NYAP2: variants seen among roughly 807,000 people sequenced by gnomAD.
The protein encoded by NYAP2 is neuronal tyrosine-phosphorylated phosphoinositide-3-kinase adaptor 2.
Under a neutral mutation model 50.4 loss-of-function variants are expected in NYAP2, and 23 were observed. That is an observed-to-expected ratio of 0.46 (90% CI 0.33 to 0.65). The LOEUF (loss-of-function observed/expected upper bound fraction) is 0.65, where lower values mean the gene tolerates loss of function less well. Ranked by LOEUF, NYAP2 falls within the 30% of genes least tolerant of loss-of-function variation. The pLI, the probability that NYAP2 is intolerant of heterozygous loss-of-function variation, is 0.02. For missense variants in NYAP2, 885 were observed against 861.0 expected, an observed-to-expected ratio of 1.03 and a Z score of -0.35; for synonymous variants, 394 against 365.2, an observed-to-expected ratio of 1.08 and a Z score of -0.90.
chr2:225,571,973 C>A (rs1424930265), intron 4 of NYAP2, among the ~76,000 whole-genome samples: 3 of 152,338 alleles, frequency 2.0e-5, no homozygotes, highest in East Asian at 1.9e-4. Context: ...CAAAGTTCCA[C>A]AGATCTCCAG....
chr2:225,608,851 G>A (rs1442716124), intron 5 of NYAP2, among the ~76,000 whole-genome samples: 1 of 152,258 alleles, frequency 6.6e-6, no homozygotes, highest in South Asian at 2.1e-4. Context: ...TGGTAGCATA[G>A]ATGTGGCCCC....
At chr2:225,623,474 C>G (rs552832074) in intron 5 of NYAP2, among the ~76,000 whole-genome samples, 8 of 152,170 alleles carry the variant, frequency 5.3e-5, no homozygotes, top group African/African-American at 1.9e-4. Context: ...GGCCTGTAAT[C>G]AATCAGGATA....
chr2:225,494,670 G>T (rs868616126), intron 3 of NYAP2, among the ~76,000 whole-genome samples: 18 of 152,154 alleles, frequency 1.2e-4, no homozygotes, highest in Middle Eastern at 3.2e-3. Flanking sequence ...TCAAGGTAAG[G>T]TTTGGTATTT....
chr2:225,605,949 C>T (rs1383135417), intron 5 of NYAP2, among the ~76,000 whole-genome samples: 5 of 152,002 alleles, frequency 3.3e-5, no homozygotes, highest in Admixed American at 2.0e-4. Context: ...AAAAACTTTC[C>T]GTAATATAAA....
intron 3 of NYAP2, among the ~76,000 whole-genome samples, chr2:225,414,237 C>CAA (rs1695089350): frequency 6.6e-6 from 1 of 151,954 alleles, no homozygotes. Flanking sequence ...GAAAAAATAT[C>CAA]AAATAAATAA....
the NYAP2 span, among the ~76,000 whole-genome samples, chr2:225,662,516 C>G: frequency 2.6e-5 from 4 of 152,236 alleles, no homozygotes; most frequent in East Asian, 1.9e-4. Context: ...CAGAATCCTA[C>G]GAACAGACAC....
At chr2:225,409,916 C>G (rs1695006596) in intron 3 of NYAP2, among the ~76,000 whole-genome samples, 1 of 152,002 alleles carries the variant, frequency 6.6e-6, no homozygotes, top group South Asian at 2.1e-4. Flanking sequence ...AATATAGGGA[C>G]TTAATCCATA....
intron 4 of NYAP2, among the ~76,000 whole-genome samples, chr2:225,560,732 C>T (rs1216623314): frequency 1.3e-5 from 2 of 152,060 alleles, no homozygotes; most frequent in Non-Finnish European, 2.9e-5. Context: ...ACATGTGTAA[C>T]TTGGCTCAGC....
At chr2:225,438,616 G>C (rs1477557842) in intron 3 of NYAP2, among the ~76,000 whole-genome samples, 1 of 152,188 alleles carries the variant, frequency 6.6e-6, no homozygotes, top group Non-Finnish European at 1.5e-5. Flanking sequence ...ATTAAAGATA[G>C]TATATATCTT....
intron 4 of NYAP2, among the ~76,000 whole-genome samples, chr2:225,557,876 T>C (rs756000330): frequency 2.6e-5 from 4 of 152,202 alleles, no homozygotes; most frequent in Non-Finnish European, 4.4e-5. Context: ...AATCACATTG[T>C]TTGGAGGGCC....
chr2:225,495,165 G>A (rs2106173666), intron 3 of NYAP2, among the ~76,000 whole-genome samples: 1 of 152,240 alleles, frequency 6.6e-6, no homozygotes, highest in Admixed American at 6.5e-5. Context: ...GACCTATACA[G>A]CTTAAACCTG....
intron 3 of NYAP2, among the ~76,000 whole-genome samples, chr2:225,489,175 T>TTTCC (rs1375652930): frequency 2.0e-5 from 3 of 151,688 alleles, no homozygotes; most frequent in African/African-American, 7.3e-5. Context: ...TTTTTCCCCT[T>TTTCC]TTTCTTTCTT....
At chr2:225,643,973 T>G (rs1201375197) in intron 6 of NYAP2, among the ~76,000 whole-genome samples, 2 of 148,612 alleles carry the variant, frequency 1.3e-5, no homozygotes, top group Non-Finnish European at 3.0e-5. Flanking sequence ...ATGGGATGGC[T>G]GGGTCAAATG....
chr2:225,646,458 G>GGA (rs1429244540), intron 6 of NYAP2, among the ~76,000 whole-genome samples: 1 of 152,172 alleles, frequency 6.6e-6, no homozygotes, highest in African/African-American at 2.4e-5. Flanking sequence ...TGCTGAGGCA[G>GGA]GAGAATCACT....
intron 3 of NYAP2, among the ~76,000 whole-genome samples, chr2:225,495,350 G>A (rs565096524): frequency 4.6e-5 from 7 of 152,282 alleles, no homozygotes; most frequent in South Asian, 2.1e-4. Flanking sequence ...GATTGAACTC[G>A]ACTGGAGGAT....
intron 3 of NYAP2, among the ~76,000 whole-genome samples, chr2:225,425,999 T>G (rs1397183281): frequency 6.6e-6 from 1 of 152,038 alleles, no homozygotes; most frequent in African/African-American, 2.4e-5. Flanking sequence ...CAAGTTTAAA[T>G]TCATTACAGT....
At chr2:225,401,610 G>A (rs1324070752) in intron 2 of NYAP2, among the ~76,000 whole-genome samples, 1 of 151,928 alleles carries the variant, frequency 6.6e-6, no homozygotes, top group East Asian at 1.9e-4. Flanking sequence ...GATTTTATTA[G>A]TCTCATCACA....
At chr2:225,593,722 C>G (rs1410678982) in intron 5 of NYAP2, among the ~76,000 whole-genome samples, 1 of 152,142 alleles carries the variant, frequency 6.6e-6, no homozygotes. Context: ...TACAATCTTT[C>G]CCCAAGTTGG....
chr2:225,555,875 G>A (rs987687063), intron 4 of NYAP2, among the ~76,000 whole-genome samples: 9 of 152,196 alleles, frequency 5.9e-5, no homozygotes, highest in African/African-American at 2.2e-4. Context: ...ATTCACTTTG[G>A]GCATTGAACA....
Sources: allele counts gnomAD v4.1 joint callset (sites outside exome capture counted in the v4.1 genomes callset), GRCh38; gene constraint gnomAD v4.1.1; transcripts MANE v1.5; gene names NCBI Gene and HGNC (gene_info 2026-07-23, HGNC 2026-07-21).